BLTP3B: variants seen among roughly 807,000 people sequenced by gnomAD.
BLTP3B encodes the protein UHRF1 (ICBP90) binding protein 1-like.
chr12:100,117,933 T>TA, the BLTP3B span, among the ~76,000 whole-genome samples: 1 of 152,202 alleles, frequency 6.6e-6, no homozygotes, highest in Non-Finnish European at 1.5e-5. Flanking sequence ...GCATCAGATT[T>TA]AAAATCACAG....
At chr12:100,042,364 G>C in the BLTP3B span, among the ~76,000 whole-genome samples, 1 of 151,988 alleles carries the variant, frequency 6.6e-6, no homozygotes, top group Non-Finnish European at 1.5e-5. Flanking sequence ...CGACTCACAT[G>C]TTCCAATTTT....
At chr12:100,043,393 G>A in the BLTP3B span, among the ~76,000 whole-genome samples, 3 of 152,192 alleles carry the variant, frequency 2.0e-5, no homozygotes, top group Non-Finnish European at 4.4e-5. Context: ...ATCAATGAAT[G>A]TAAGAGTTTA....
the BLTP3B span, among the ~76,000 whole-genome samples, chr12:100,073,991 C>T: frequency 2.0e-5 from 3 of 152,078 alleles, no homozygotes; most frequent in Non-Finnish European, 4.4e-5. Context: ...ACAACTCCTA[C>T]TCAAAATAGT....
the BLTP3B span, chr12:100,070,317 G>A: frequency 9.7e-5 from 92 of 949,638 alleles, 1 homozygote; most frequent in East Asian, 1.9e-3. Flanking sequence ...ACGGAGTTTC[G>A]CTCTTGTTGC....
the BLTP3B span, chr12:100,059,787 C>A: frequency 6.8e-7 from 1 of 1,475,464 alleles, no homozygotes; most frequent in Non-Finnish European, 9.3e-7. Context: ...CATACATATA[C>A]GCACAAATCA....
At chr12:100,131,299 A>T in the BLTP3B span, among the ~76,000 whole-genome samples, 62 of 151,396 alleles carry the variant, frequency 4.1e-4, no homozygotes, top group Non-Finnish European at 7.4e-4. Flanking sequence ...TGACAGAGCA[A>T]GACCCTGTCT....
At chr12:100,092,253 C>T in the BLTP3B span, among the ~76,000 whole-genome samples, 1 of 152,180 alleles carries the variant, frequency 6.6e-6, no homozygotes, top group Non-Finnish European at 1.5e-5. Flanking sequence ...CACTTTCTGA[C>T]ACGTTGTCTT....
At chr12:100,124,774 T>A in the BLTP3B span, among the ~76,000 whole-genome samples, 1 of 149,716 alleles carries the variant, frequency 6.7e-6, no homozygotes, top group Non-Finnish European at 1.5e-5. Flanking sequence ...AAATAAAAAT[T>A]AGCTGGGCAT....
chr12:100,091,704 C>T, the BLTP3B span, among the ~76,000 whole-genome samples: 3 of 151,304 alleles, frequency 2.0e-5, no homozygotes, highest in Non-Finnish European at 2.9e-5. Flanking sequence ...AGGGTTTCAC[C>T]GTGTTAGCCA....
the BLTP3B span, among the ~76,000 whole-genome samples, chr12:100,102,098 C>A: frequency 8.6e-5 from 13 of 151,458 alleles, no homozygotes; most frequent in Non-Finnish European, 1.0e-4. Context: ...CTACACCGAG[C>A]CCAACTTAAC....
chr12:100,142,496 C>G, the BLTP3B span: 1 of 1,389,334 alleles, frequency 7.2e-7, no homozygotes, highest in Non-Finnish European at 9.9e-7. Flanking sequence ...GCCTCCCGCA[C>G]AGCCGCCAGG....
the BLTP3B span, among the ~76,000 whole-genome samples, chr12:100,060,622 G>C: frequency 6.6e-6 from 1 of 152,104 alleles, no homozygotes; most frequent in African/African-American, 2.4e-5. Context: ...ATAGTGCTTG[G>C]AGTAATGTAA....
chr12:100,111,559 A>G, the BLTP3B span, among the ~76,000 whole-genome samples: 1 of 151,684 alleles, frequency 6.6e-6, no homozygotes, highest in East Asian at 1.9e-4. Flanking sequence ...AGTTGGGACC[A>G]TGGGCACATG....
chr12:100,040,776 CAAG>C, the BLTP3B span, among the ~76,000 whole-genome samples: 4 of 152,158 alleles, frequency 2.6e-5, no homozygotes, highest in African/African-American at 9.7e-5. Flanking sequence ...TAAATAGCCT[CAAG>C]AAGACAATGT....
At chr12:100,044,070 T>C in the BLTP3B span, among the ~76,000 whole-genome samples, 1 of 152,148 alleles carries the variant, frequency 6.6e-6, no homozygotes, top group Admixed American at 6.5e-5. Context: ...GGTGCATTCT[T>C]TTCTGTTTGT....
the BLTP3B span, chr12:100,142,442 G>A: frequency 2.5e-6 from 2 of 800,632 alleles, no homozygotes; most frequent in Admixed American, 3.7e-5. Flanking sequence ...AGAGATCCGG[G>A]GCCGCGACCT....
chr12:100,135,048 G>A, the BLTP3B span, among the ~76,000 whole-genome samples: 1 of 152,100 alleles, frequency 6.6e-6, no homozygotes, highest in Non-Finnish European at 1.5e-5. Flanking sequence ...CATTCCAGTG[G>A]CTTCCAATCT....
At chr12:100,111,733 G>C in the BLTP3B span, among the ~76,000 whole-genome samples, 1 of 152,034 alleles carries the variant, frequency 6.6e-6, no homozygotes, top group East Asian at 1.9e-4. Flanking sequence ...AACCTCCTGA[G>C]AAGCTGGGAT....
chr12:100,135,574 T>C, the BLTP3B span, among the ~76,000 whole-genome samples: 1 of 152,116 alleles, frequency 6.6e-6, no homozygotes, highest in Non-Finnish European at 1.5e-5. Flanking sequence ...GCCTCAAATA[T>C]TGCTTTGTCA....
Sources: allele counts gnomAD v4.1 joint callset (sites outside exome capture counted in the v4.1 genomes callset), GRCh38; gene constraint gnomAD v4.1.1; transcripts MANE v1.5; gene names NCBI Gene and HGNC (gene_info 2026-07-23, HGNC 2026-07-21).